The following PLAAT5 variants were observed in gnomAD, a reference collection of about 807,000 sequenced individuals.
PLAAT5 encodes phospholipase A and acyltransferase 5.
PLAAT5 carries 27 observed loss-of-function variants against 27.8 expected under a neutral mutation model. That is an observed-to-expected ratio of 0.97 (90% CI 0.72 to 1.34). The LOEUF (loss-of-function observed/expected upper bound fraction) is 1.34, where lower values mean the gene tolerates loss of function less well. Among genes scored for constraint, PLAAT5 ranks in the 40% most tolerant of loss-of-function variants. The pLI is 0.00. For missense variants in PLAAT5, 368 were observed against 343.8 expected, an observed-to-expected ratio of 1.07 and a Z score of -0.56; for synonymous variants, 125 against 136.1, an observed-to-expected ratio of 0.92 and a Z score of 0.57.
rs568727151 is a variant in PLAAT5, at chr11:63,491,013, C to A, written c.22G>T (p.Glu8Ter). ...GGGAGGCGGAGCGCGTACTCCCCCT[C>A]GGCGCCCGGGCTCAGGCCCATCCCG... MGLSPGA[E>*]GEYALRLPRI... Residue 8 changes from glutamate to a stop codon, truncating the protein, a stop_gained, in exon 1 of 6, where the codon GAG becomes TAG. Coordinates refer to ENST00000540857, the MANE Select transcript of PLAAT5 (RefSeq NM_001146729.2). LOFTEE classifies it high-confidence loss of function. 32 of 1,512,556 alleles carry A rather than the reference C, an allele frequency of 2.1e-5. No homozygotes were observed. The South Asian group carries it at 4.0e-4, about 19-fold the overall frequency. The allele number at this position is 1,512,556 out of a possible 1,614,324, so 93.7% of individuals were successfully genotyped here.
At chr11:63,474,333 G>A (rs2016103139) in intron 3 of PLAAT5, among the ~76,000 whole-genome samples, 1 of 152,138 alleles carries the variant, frequency 6.6e-6, no homozygotes, top group Admixed American at 6.5e-5. Context: ...CTGGGCATGA[G>A]ATTTTCTTTG....
intron 3 of PLAAT5, among the ~76,000 whole-genome samples, chr11:63,471,530 A>G (rs1051502370): frequency 3.9e-5 from 6 of 152,184 alleles, no homozygotes; most frequent in Non-Finnish European, 7.4e-5. Context: ...ATTATTTATG[A>G]CCATTTCCAT....
At chr11:63,480,627 AAGT>A (rs1473970644) in intron 3 of PLAAT5, among the ~76,000 whole-genome samples, 4 of 152,166 alleles carry the variant, frequency 2.6e-5, no homozygotes, top group Admixed American at 6.5e-5. Context: ...GAGCTTTAAA[AAGT>A]TCAGATTGGT....
rs113273664 is a variant in PLAAT5 at position 63,469,421 on chromosome 11, A to G, written c.346-956T>C. The G allele has an allele frequency of 7.8e-3, 1,947 of 249,460 alleles. 17 individuals are homozygous for G. Among genetic ancestry groups the G allele is most frequent in the Non-Finnish European group, 0.01 (1,165 of 112,980 alleles). The allele number at this position is 249,460 out of a possible 1,614,324, so 15.5% of individuals were successfully genotyped here. ...AGACCTGATCAACTACCTGGAGCAA[A>G]GAAAAGAGCCCTGGAATATGGAGAG... is the stretch of plus-strand genomic sequence containing the variant. On this transcript the variant is annotated intron_variant, in intron 3 of 5. Transcript: ENST00000540857.
At chr11:63,466,787 T>C (rs1590605243) in intron 4 of PLAAT5, among the ~76,000 whole-genome samples, 1 of 152,098 alleles carries the variant, frequency 6.6e-6, no homozygotes, top group African/African-American at 2.4e-5. Context: ...ATTATGGTGG[T>C]TCCATGTCAC....
intron 1 of PLAAT5, 194 bp from the exon 2 acceptor site, chr11:63,490,527 AAG>A: frequency 1.2e-6 from 1 of 820,072 alleles, no homozygotes; most frequent in Non-Finnish European, 1.9e-6. Flanking sequence ...TCCTCTGCCA[AAG>A]AGAGACTTTG....
chr11:63,466,438 ACT>A, intron 4 of PLAAT5, 66 bp from the exon 5 acceptor site: 5 of 1,512,160 alleles, frequency 3.3e-6, no homozygotes, highest in South Asian at 2.5e-5. Context: ...ACAGTCTAAG[ACT>A]CTGAGTAAGC....
At chr11:63,463,681 G>A in intron 5 of PLAAT5, 86 bp from the exon 6 acceptor site, 1 of 993,454 alleles carries the variant, frequency 1.0e-6, no homozygotes, top group Non-Finnish European at 1.6e-6. Flanking sequence ...TACCCATTCA[G>A]CAACCAGCCT....
At chr11:63,484,072 A>G (rs1362094061) in intron 3 of PLAAT5, among the ~76,000 whole-genome samples, 2 of 150,622 alleles carry the variant, frequency 1.3e-5, no homozygotes, top group Non-Finnish European at 3.0e-5. Context: ...CAACCCTCCT[A>G]GATTAAATCA....
intron 3 of PLAAT5, chr11:63,469,446 G>C: frequency 4.1e-6 from 1 of 243,518 alleles, no homozygotes; most frequent in South Asian, 7.3e-5. Flanking sequence ...AATATGGAGA[G>C]ACACAAGATG....
chr11:63,483,532 C>T (rs897731488), intron 3 of PLAAT5, among the ~76,000 whole-genome samples: 2 of 146,892 alleles, frequency 1.4e-5, no homozygotes, highest in African/African-American at 5.0e-5. Context: ...GAAATCAAGA[C>T]AGAAATTTAA....
At chr11:63,488,140 A>G (rs2016480399) in intron 3 of PLAAT5, among the ~76,000 whole-genome samples, 1 of 152,146 alleles carries the variant, frequency 6.6e-6, no homozygotes, top group Non-Finnish European at 1.5e-5. Flanking sequence ...GCGAGACTCC[A>G]TCTCGAAAAA....
At chr11:63,483,818 T>TACAC (rs1300998219) in intron 3 of PLAAT5, among the ~76,000 whole-genome samples, 13 of 90,668 alleles carry the variant, frequency 1.4e-4, no homozygotes, top group African/African-American at 6.6e-4. Context: ...TATATATATA[T>TACAC]ATATATATAT....
chr11:63,467,531 A>G (rs919089427), intron 4 of PLAAT5, among the ~76,000 whole-genome samples: 1 of 152,150 alleles, frequency 6.6e-6, no homozygotes. Context: ...AGTTAGGACC[A>G]AAGGCCTTTG....
At chr11:63,477,619 G>A (rs543058787) in intron 3 of PLAAT5, among the ~76,000 whole-genome samples, 15 of 152,002 alleles carry the variant, frequency 9.9e-5, no homozygotes, top group Non-Finnish European at 2.1e-4. Context: ...GAGATTACAG[G>A]TGCCTGCCAC....
intron 3 of PLAAT5, among the ~76,000 whole-genome samples, chr11:63,479,131 G>C (rs1427928838): frequency 1.3e-5 from 2 of 152,202 alleles, no homozygotes; most frequent in African/African-American, 2.4e-5. Flanking sequence ...CCGGAAGCCG[G>C]TAGTATACAG....
chr11:63,477,269 G>A (rs2016173604), intron 3 of PLAAT5, among the ~76,000 whole-genome samples: 1 of 152,040 alleles, frequency 6.6e-6, no homozygotes, highest in Non-Finnish European at 1.5e-5. Flanking sequence ...ATAATTTGTT[G>A]TTGAAAAACT....
At chr11:63,486,854 A>T (rs1334589156) in intron 3 of PLAAT5, among the ~76,000 whole-genome samples, 7 of 152,258 alleles carry the variant, frequency 4.6e-5, no homozygotes, top group African/African-American at 1.7e-4. Context: ...AATGTAAAAA[A>T]CAAAACTATA....
intron 3 of PLAAT5, among the ~76,000 whole-genome samples, chr11:63,488,428 A>G (rs1188075524): frequency 2.0e-5 from 3 of 152,224 alleles, no homozygotes; most frequent in Admixed American, 1.3e-4. Context: ...ACTGGCATAT[A>G]TATATGCCAA....
Sources: gnomAD v4.1 joint callset for allele counts (sites outside exome capture counted in the v4.1 genomes callset) on GRCh38, gnomAD v4.1.1 for gene constraint, MANE v1.5 for transcripts, NCBI Gene and HGNC (gene_info 2026-07-23, HGNC 2026-07-21) for gene names.